Variants in RABGEF1 observed in about 807,000 individuals in gnomAD.
RABGEF1 encodes rab5 GDP/GTP exchange factor.
A neutral mutation model predicts 57.3 loss-of-function variants in RABGEF1; 26 were observed. The observed-to-expected ratio is 0.45, with a 90% CI of 0.33 to 0.63. The LOEUF (loss-of-function observed/expected upper bound fraction) is 0.63. Among genes scored for constraint, RABGEF1 ranks in the 20% least tolerant of loss-of-function variants. The probability of loss-of-function intolerance (pLI) is 0.02; values close to 1 mark genes in which losing one functional copy is unlikely to be tolerated. For missense variants in RABGEF1, 464 were observed against 607.6 expected, an observed-to-expected ratio of 0.76 and a Z score of 2.48; for synonymous variants, 185 against 210.7, an observed-to-expected ratio of 0.88 and a Z score of 1.06.
chr7:66,774,467 C>T (rs1464523946), intron 2 of RABGEF1, among the ~76,000 whole-genome samples: 2 of 152,222 alleles, frequency 1.3e-5, no homozygotes, highest in Admixed American at 6.5e-5. Flanking sequence ...CCTCTGGAGC[C>T]TTCCTGTATA....
intron 4 of RABGEF1, among the ~76,000 whole-genome samples, chr7:66,788,434 A>G (rs1811749789): frequency 6.6e-6 from 1 of 151,230 alleles, no homozygotes; most frequent in Admixed American, 6.6e-5. Flanking sequence ...ACAGAGCAAG[A>G]CTCCATCTCA....
Position 66,797,375 on chromosome 7 carries a change from G to T in RABGEF1, c.597G>T (p.Val199=). ...CTTTTCTCTGTCTGGTTATTTCAGTGCCTCCAGAAAGAGTCGAGAAGATAA... is the reference window on the plus strand; with the variant it reads ...CTTTTCTCTGTCTGGTTATTTCAGTTCCTCCAGAAAGAGTCGAGAAGATAA... The part of the protein sequence containing the change: ...VAERMQTRGK[V]PPERVEKIMD... Residue 199 remains valine, a splice_region_variant and synonymous_variant, in exon 6 of 9, where the codon GTG becomes GTT. Transcript: ENST00000284957. The T allele has an allele frequency of 6.2e-7, 1 of 1,603,672 alleles. No homozygotes were observed. The highest frequency in any genetic ancestry group is 8.5e-7 in the Non-Finnish European group (1 of 1,177,286).
intron 1 of RABGEF1, among the ~76,000 whole-genome samples, chr7:66,683,893 G>A (rs1376242035): frequency 1.3e-5 from 2 of 151,974 alleles, no homozygotes; most frequent in Admixed American, 6.6e-5. Context: ...AATGGGTGCC[G>A]CCACACCCAG....
intron 7 of RABGEF1, among the ~76,000 whole-genome samples, chr7:66,803,214 A>G (rs1787690035): frequency 6.6e-6 from 1 of 152,230 alleles, no homozygotes; most frequent in Non-Finnish European, 1.5e-5. Flanking sequence ...AAAAGTTAAA[A>G]TAATGCCTGT....
At chr7:66,805,064 A>T in intron 7 of RABGEF1, 76 bp from the exon 8 acceptor site, 3 of 1,470,812 alleles carry the variant, frequency 2.0e-6, no homozygotes, top group Non-Finnish European at 2.8e-6. Flanking sequence ...AACTTTAGAG[A>T]TAAAACATGA....
intron 2 of RABGEF1, among the ~76,000 whole-genome samples, chr7:66,730,414 T>C (rs978367337): frequency 1.3e-5 from 2 of 152,168 alleles, no homozygotes; most frequent in African/African-American, 4.8e-5. Flanking sequence ...TATTTTTAGA[T>C]AGAGTCTTGC....
intron 1 of RABGEF1, among the ~76,000 whole-genome samples, chr7:66,770,649 AGTT>A (rs1806868283): frequency 6.6e-6 from 1 of 152,002 alleles, no homozygotes; most frequent in African/African-American, 2.4e-5. Context: ...ACTCCCAGCT[AGTT>A]GTTGTGTTTT....
At chr7:66,742,585 C>G (rs963749773) in intron 1 of RABGEF1, among the ~76,000 whole-genome samples, 4 of 152,058 alleles carry the variant, frequency 2.6e-5, no homozygotes, top group African/African-American at 9.7e-5. Context: ...GGAGAGGAGG[C>G]CAGTAACTAC....
chr7:66,798,797 C>T lies in RABGEF1; in HGVS notation c.729-526C>T, dbSNP rs567742669. Among the ~76,000 whole-genome samples, 21 of 152,204 alleles carry T rather than the reference C, an allele frequency of 1.4e-4. No homozygotes were observed. In the South Asian group the frequency reaches 2.5e-3, roughly 18 times the overall value. On this transcript the variant is annotated intron_variant, in intron 6 of 8. Transcript: ENST00000284957. ...TGGCCAGCAGGGTGAAACCCTGTCT[C>T]GTAAAAGTACAGAAATTAGCTGGGC... is the stretch of plus-strand genomic sequence containing the variant.
chr7:66,662,318 T>A, the RABGEF1 span, among the ~76,000 whole-genome samples: 1 of 151,954 alleles, frequency 6.6e-6, no homozygotes, highest in South Asian at 2.1e-4. Flanking sequence ...AATACAAAAA[T>A]TAGCTGGGTG....
At chr7:66,672,348 T>TGTGAACCTGGGAGGCGGA in the RABGEF1 span, among the ~76,000 whole-genome samples, 4 of 151,310 alleles carry the variant, frequency 2.6e-5, no homozygotes, top group East Asian at 7.8e-4. Flanking sequence ...AGGAGAATGG[T>TGTGAACCTGGGAGGCGGA]GTGAACCTGG....
At chr7:66,801,454 C>G (rs1235590972) in intron 7 of RABGEF1, among the ~76,000 whole-genome samples, 1 of 152,096 alleles carries the variant, frequency 6.6e-6, no homozygotes, top group Non-Finnish European at 1.5e-5. Flanking sequence ...TATAGTTCCC[C>G]TGTCGTGCTA....
At chr7:66,786,719 T>A (rs1307950155) in intron 4 of RABGEF1, among the ~76,000 whole-genome samples, 1 of 152,224 alleles carries the variant, frequency 6.6e-6, no homozygotes, top group Non-Finnish European at 1.5e-5. Flanking sequence ...CAGCAAATGT[T>A]GTTTGCTAAT....
At chr7:66,662,181 G>A in the RABGEF1 span, among the ~76,000 whole-genome samples, 91 of 151,724 alleles carry the variant, frequency 6.0e-4, 1 homozygote, top group South Asian at 0.012. Flanking sequence ...GCAGTTTGCA[G>A]TGAGCCAAGA....
intron 1 of RABGEF1, among the ~76,000 whole-genome samples, chr7:66,770,837 A>G (rs952899846): frequency 1.3e-5 from 2 of 152,074 alleles, no homozygotes; most frequent in African/African-American, 4.8e-5. Context: ...GTGATATCTC[A>G]TTGTGATTTT....
At chr7:66,755,043 C>A (rs1802375669) in intron 1 of RABGEF1, among the ~76,000 whole-genome samples, 1 of 152,120 alleles carries the variant, frequency 6.6e-6, no homozygotes, top group African/African-American at 2.4e-5. Flanking sequence ...ACCTGTAATC[C>A]CAGCACTTTG....
At chr7:66,679,381 T>C (rs928312713), upstream of RABGEF1, among the ~76,000 whole-genome samples, 3 of 152,164 alleles carry the variant, frequency 2.0e-5, no homozygotes, top group African/African-American at 7.2e-5. Context: ...TGATCACGGC[T>C]CACTGCAGCC....
intron 1 of RABGEF1, among the ~76,000 whole-genome samples, chr7:66,693,802 CT>C (rs981851997): frequency 4.7e-5 from 7 of 147,918 alleles, no homozygotes; most frequent in African/African-American, 1.3e-4. Context: ...AAACTCTTTC[CT>C]TTTTTTTCTT....
the RABGEF1 span, among the ~76,000 whole-genome samples, chr7:66,655,711 A>G: frequency 6.6e-6 from 1 of 152,258 alleles, no homozygotes; most frequent in Non-Finnish European, 1.5e-5. Context: ...TGTTGTACCA[A>G]GAAACTTGCC....
Sources: allele counts gnomAD v4.1 joint callset (sites outside exome capture counted in the v4.1 genomes callset), GRCh38; gene constraint gnomAD v4.1.1; transcripts MANE v1.5; gene names NCBI Gene and HGNC (gene_info 2026-07-23, HGNC 2026-07-21).